The following SUSD2 variants were observed in gnomAD, a reference collection of about 807,000 sequenced individuals.
The protein encoded by SUSD2 is sushi domain-containing protein 2.
In SUSD2, 86 loss-of-function variants were observed where a neutral mutation model predicts 93.8. The observed-to-expected ratio is 0.92, with a 90% CI of 0.77 to 1.10. SUSD2 has a LOEUF of 1.10. Ranked by LOEUF, SUSD2 falls within the 50% of genes least tolerant of loss-of-function variation. SUSD2 has a pLI of 0.00. For missense variants in SUSD2, 1,060 were observed against 1,137.0 expected (o/e 0.93, Z 0.97); for synonymous variants, 483 against 485.0 (o/e 1.00, Z 0.05).
chr22:24,185,769 C>T lies in SUSD2; in HGVS notation c.1179C>T (p.Gly393=), dbSNP rs143630875. 3.5e-4 allele frequency: 568 copies of T among 1,609,548 alleles called. 1 individual carries two copies. Among genetic ancestry groups the T allele is most frequent in the Middle Eastern group, 1.8e-3 (11 of 6,052 alleles). ...GSTPDRGHDW[G]APPFRTPPRV... ...CTCCCGACCGCGGCCATGACTGGGG[C>T]GCACCCCCGTTCCGCACGCCACCCC... The change falls in exon 8 of 15, where the codon GGC becomes GGT. Residue 393 remains glycine (G), a synonymous_variant. Coordinates refer to ENST00000358321, the MANE Select transcript of SUSD2 (RefSeq NM_019601.4).
intron 4 of SUSD2, 96 bp from the exon 5 acceptor site, chr22:24,184,670 G>A (rs1316442713): frequency 1.5e-5 from 16 of 1,057,086 alleles, no homozygotes; most frequent in South Asian, 4.7e-5. Flanking sequence ...ACCGCCTGGC[G>A]GTCCATCCAC....
In SUSD2 at chr22:24,185,751, C is replaced by A; in HGVS notation, c.1161C>A (p.Asp387Glu). The change falls in exon 8 of 15, where the codon GAC becomes GAA. Residue 387 changes from aspartate to glutamate, a missense_variant. Transcript: ENST00000358321. ...ACTCCAGCGGCGGCAGCACTCCCGACCGCGGCCATGACTGGGGCGCACCCC... is the reference window on the plus strand; with the variant it reads ...ACTCCAGCGGCGGCAGCACTCCCGAACGCGGCCATGACTGGGGCGCACCCC... Reference protein sequence around the residue: ...TADSSGGSTPDRGHDWGAPPF... With the variant: ...TADSSGGSTPERGHDWGAPPF... 1 of 1,609,190 alleles carries A rather than the reference C, an allele frequency of 6.2e-7. No individual in the cohort carries two copies. Among genetic ancestry groups the A allele is most frequent in the Non-Finnish European group, 8.5e-7 (1 of 1,178,638 alleles).
At chr22:24,186,831 A>C in intron 10 of SUSD2, 1 of 408,218 alleles carries the variant, frequency 2.4e-6, no homozygotes, top group Non-Finnish European at 4.5e-6. Flanking sequence ...AACTGAGTCA[A>C]TGAAAGGATT....
Position 24,187,854 on chromosome 22 carries a change from G to T in SUSD2, c.2164+11G>T. 1 of 1,607,000 alleles carries T rather than the reference G, an allele frequency of 6.2e-7. No homozygotes were observed. Among genetic ancestry groups the T allele is most frequent in the Middle Eastern group, 1.7e-4 (1 of 5,984 alleles). On this transcript the variant is annotated intron_variant, in intron 12 of 14. Transcript: ENST00000358321. ...AGAGCCTGCAGCCAGGTGAGGGCGG[G>T]CAGGTGGGGGTGGGCGGGGAGCTGG...
Position 24,186,149 on chromosome 22 carries a change from G to A in SUSD2, c.1473G>A (p.Thr491=), listed in dbSNP as rs930131299. 21 of 1,609,102 alleles carry A rather than the reference G, an allele frequency of 1.3e-5. No homozygotes were observed. The highest frequency in any genetic ancestry group is 8.4e-5 in the Admixed American group (5 of 59,660). ...TGCAGGCGCGGGCCCAGCCCGGGAC[G>A]ATGTCCAACGGTGAGGCCAGGGCTA... ...LRVQARAQPG[T]MSNGTETRGT... is the part of the protein sequence containing the mutation. The change falls in exon 9 of 15, where the codon ACG becomes ACA. Residue 491 remains threonine (T), a synonymous_variant. Coordinates refer to ENST00000358321, the MANE Select transcript of SUSD2 (RefSeq NM_019601.4).
At chr22:24,183,469 C>T in intron 2 of SUSD2, 26 bp from the exon 3 acceptor site, 3 of 1,600,732 alleles carry the variant, frequency 1.9e-6, no homozygotes, top group South Asian at 2.2e-5. Context: ...ATGACCCAGC[C>T]CCTCCCACCA....
Position 24,188,021 on chromosome 22 carries a change from G to T in SUSD2, c.2227G>T (p.Ala743Ser). 6.2e-7 allele frequency: 1 copy of T among 1,613,072 alleles called. No individual in the cohort carries two copies. Among genetic ancestry groups the T allele is most frequent in the East Asian group, 2.2e-5 (1 of 44,876 alleles). Residue 743 changes from alanine (A) to serine (S), a missense_variant, in exon 13 of 15, where the codon GCG becomes TCG. Around this residue, in one of 2 missense-constraint regions of SUSD2, gnomAD observed 973 missense variants for 1,005.3 expected, o/e 0.97. Coordinates refer to ENST00000358321, the MANE Select transcript of SUSD2 (RefSeq NM_019601.4). This position sits in a 1 kb window ranked among gnomAD's most constrained non-coding sequence, Gnocchi z 4.7. Reference sequence around the variant, plus strand: ...ACAAAAGGAGGGCAACAGGTACCTGGCGGGTTCCACCATCTACTTCCACTG... The same window carrying T: ...ACAAAAGGAGGGCAACAGGTACCTGTCGGGTTCCACCATCTACTTCCACTG... The part of the protein sequence containing the change: ...NGQKEGNRYL[A>S]GSTIYFHCDN...
chr22:24,181,949 C>T (rs775392414), intron 1 of SUSD2, among the ~76,000 whole-genome samples: 4 of 152,190 alleles, frequency 2.6e-5, no homozygotes, highest in African/African-American at 7.2e-5. Context: ...GGGAAAGCCC[C>T]GAACTCCAGA....
Position 24,187,973 on chromosome 22 carries a change from T to A in SUSD2, c.2179T>A (p.Trp727Arg). 1 of 1,612,848 alleles carries A rather than the reference T, an allele frequency of 6.2e-7. No homozygotes were observed. Among genetic ancestry groups the A allele is most frequent in the East Asian group, 2.2e-5 (1 of 44,876 alleles). The change falls in exon 13 of 15, where the codon TGG becomes AGG. Residue 727 changes from tryptophan to arginine, a missense_variant. By Grantham distance (101) the Trp-to-Arg change is moderately radical. Transcript: ENST00000358321. ...QSLQPVVSCG[W>R]LAPPPNGQKE... ...CCCCATCCCAGTGGTGTCCTGTGGC[T>A]GGCTGGCCCCACCTCCCAACGGACA...
chr22:24,183,516 C>T lies in SUSD2; in HGVS notation c.309C>T (p.Thr103=), dbSNP rs1261046514. Residue 103 remains threonine (T), a synonymous_variant, in exon 3 of 15, where the codon ACC becomes ACT. Transcript: ENST00000358321. The stretch of plus-strand genomic sequence containing the variant: ...ACAGGTTTAAGGACAGCATCCAGAC[C>T]CTCGGCCATGTGGACTCCTCCGGGC... ...VICRFKDSIQ[T]LGHVDSSGQV... The T allele has an allele frequency of 2.5e-6, 4 of 1,612,822 alleles. No individual in the cohort carries two copies. In the African/African-American group the frequency reaches 4.0e-5, roughly 16 times the overall value.
Position 24,185,311 on chromosome 22 carries a change from G to A in SUSD2, c.984+16G>A, listed in dbSNP as rs1051772180. The A allele has an allele frequency of 6.2e-7, 1 of 1,600,620 alleles. No individual in the cohort carries two copies. The highest frequency in any genetic ancestry group is 8.5e-7 in the Non-Finnish European group (1 of 1,178,440). On this transcript the variant is annotated intron_variant, in intron 6 of 14. Coordinates refer to ENST00000358321, the MANE Select transcript of SUSD2 (RefSeq NM_019601.4). ...CCGCTTCTTCGTGAGCCTCCCATCA[G>A]GGCCCAGGAGAGGGGATGAGGGGTT...
chr22:24,186,948 G>A, intron 10 of SUSD2: 1 of 570,856 alleles, frequency 1.8e-6, no homozygotes, highest in Non-Finnish European at 3.1e-6. Context: ...AAGGCCAGAG[G>A]GACCCACACG....
At position 24,188,849 on chromosome 22, in the gene SUSD2, C is replaced by T. The variant is rs976200408; in HGVS notation, c.*413C>T. The T allele has an allele frequency of 2.0e-4, 38 of 189,096 alleles. 1 individual carries two copies. The highest frequency in any genetic ancestry group is 2.3e-3 in the Middle Eastern group (1 of 428). 11.7% of individuals were successfully genotyped at this position (189,096 alleles called of 1,614,324 possible). ...CAGAGCCTGATGCCGGGGCCCCTGA[C>T]CCCTGATCTACGGAGGCCTGCTCCC... On this transcript the variant is annotated 3_prime_UTR_variant, in exon 15 of 15. Coordinates refer to ENST00000358321, the MANE Select transcript of SUSD2 (RefSeq NM_019601.4). The surrounding 1 kb of genome is among the most constrained non-coding windows in gnomAD (Gnocchi z 4.7).
chr22:24,184,248 C>T lies in SUSD2; in HGVS notation c.552C>T (p.Val184=). The change falls in exon 4 of 15, where the codon GTC becomes GTT. Residue 184 remains valine (V), a synonymous_variant. Coordinates refer to ENST00000358321, the MANE Select transcript of SUSD2 (RefSeq NM_019601.4). ...TSGNLSLTWH[V]KSLPTQTITI... is the part of the protein sequence containing the mutation. The stretch of plus-strand genomic sequence containing the variant: ...GCAACCTCAGCCTGACCTGGCATGT[C>T]AAGTCGCTGCCCACGCAGACCATCA... 9 of 1,613,742 alleles carry T rather than the reference C, an allele frequency of 5.6e-6. No individual in the cohort carries two copies. Among genetic ancestry groups the T allele is most frequent in the Non-Finnish European group, 6.8e-6 (8 of 1,180,022 alleles).
At position 24,185,207 on chromosome 22, in the gene SUSD2, T is replaced by C; in HGVS notation, c.896T>C (p.Leu299Pro). ...ARTQCQAWEE[L>P]EDQLPNFLEE... ...ACTCAGTGCCAGGCCTGGGAGGAGC[T>C]GGAGGATCAGCTGCCCAACTTCCTG... The change falls in exon 6 of 15, where the codon CTG becomes CCG. Residue 299 changes from leucine to proline, a missense_variant. Leu to Pro is a moderately conservative substitution (Grantham distance 98). Coordinates refer to ENST00000358321, the MANE Select transcript of SUSD2 (RefSeq NM_019601.4). The C allele has an allele frequency of 6.2e-7, 1 of 1,611,214 alleles. No individual in the cohort carries two copies. Among genetic ancestry groups the C allele is most frequent in the Non-Finnish European group, 8.5e-7 (1 of 1,179,918 alleles).
intron 1 of SUSD2, 98 bp from the exon 2 acceptor site, chr22:24,182,959 C>T (rs1472010853): frequency 1.0e-6 from 1 of 1,001,462 alleles, no homozygotes; most frequent in Non-Finnish European, 1.5e-6. Flanking sequence ...GGGGATGCTG[C>T]TGTCTAATGG....
chr22:24,186,813 C>T (rs1806608684), intron 10 of SUSD2: 1 of 403,962 alleles, frequency 2.5e-6, no homozygotes, highest in African/African-American at 2.0e-5. Flanking sequence ...GAACCCCTTG[C>T]CTCAGGGAAC....
At position 24,188,337 on chromosome 22, in the gene SUSD2, C is replaced by T. The variant is rs768989351; in HGVS notation, c.2444+10C>T. On this transcript the variant is annotated intron_variant, in intron 14 of 14. Transcript: ENST00000358321. This position sits in a 1 kb window ranked among gnomAD's most constrained non-coding sequence, Gnocchi z 4.7. ...GCAGGAAGGGCAACACGTGAGACCC[C>T]CCAGCCCCTCTCCCAAGACCCCGAG... The T allele has an allele frequency of 7.5e-6, 12 of 1,608,784 alleles. No individual in the cohort carries two copies. In the East Asian group the frequency reaches 2.7e-4, roughly 36 times the overall value.
At chr22:24,186,866 G>C in intron 10 of SUSD2, 1 of 453,670 alleles carries the variant, frequency 2.2e-6, no homozygotes. Flanking sequence ...GTGAGGACCT[G>C]GGAGGGGCCT....
Sources: gnomAD v4.1 joint callset for allele counts (sites outside exome capture counted in the v4.1 genomes callset) on GRCh38, gnomAD v4.1.1 for gene constraint, gnomAD v4.1.1 regional missense constraint, Gnocchi (gnomAD v3.1) non-coding constraint, MANE v1.5 for transcripts, NCBI Gene and HGNC (gene_info 2026-07-23, HGNC 2026-07-21) for gene names.